SPRTN: variants seen among roughly 807,000 people sequenced by gnomAD.
The protein encoded by SPRTN is SprT-like N-terminal domain, also known as DNA-dependent metalloprotease SPRTN.
In SPRTN, 11 loss-of-function variants were observed where a neutral mutation model predicts 31.9. The observed-to-expected ratio is 0.34, with a 90% CI of 0.22 to 0.57. SPRTN has a LOEUF of 0.57. Among genes scored for constraint, SPRTN ranks in the 20% least tolerant of loss-of-function variants. SPRTN has a pLI of 0.86. For synonymous variants in SPRTN, 185 were observed against 212.1 expected, an observed-to-expected ratio of 0.87 and a Z score of 1.11; for missense variants, 482 against 590.1, an observed-to-expected ratio of 0.82 and a Z score of 1.90.
chr1:231,340,806 AAAAG>A (rs1686861213), intron 2 of SPRTN, among the ~76,000 whole-genome samples: 1 of 151,996 alleles, frequency 6.6e-6, no homozygotes, highest in Non-Finnish European at 1.5e-5. Flanking sequence ...CTCAAAAAAA[AAAAG>A]AAAGAATTAT....
At chr1:231,340,298 C>T (rs1269279857) in intron 2 of SPRTN, among the ~76,000 whole-genome samples, 2 of 152,038 alleles carry the variant, frequency 1.3e-5, no homozygotes, top group Admixed American at 6.5e-5. Flanking sequence ...ACTGAGGAGG[C>T]GGAGCTTGCA....
chr1:231,349,546 G>A (rs1687160380), intron 3 of SPRTN, among the ~76,000 whole-genome samples: 1 of 152,158 alleles, frequency 6.6e-6, no homozygotes. Context: ...AGATATCTGT[G>A]TGTTTTTATT....
At position 231,353,839 on chromosome 1, in the gene SPRTN, T is replaced by G. The variant is rs1211485456; in HGVS notation, c.*478T>G. 4.2e-6 allele frequency: 4 copies of G among 956,538 alleles called. No homozygotes were observed. Among genetic ancestry groups the G allele is most frequent in the Non-Finnish European group, 5.0e-6 (4 of 803,624 alleles). 59.3% of individuals were successfully genotyped at this position (956,538 alleles called of 1,614,324 possible). ...GACTACAAAGTATATTGTTTTAGAG[T>G]ACTCAAATTGTATTATTTATTAATT... On this transcript the variant is annotated 3_prime_UTR_variant, in exon 5 of 5. Transcript: ENST00000295050.
intron 2 of SPRTN, among the ~76,000 whole-genome samples, chr1:231,345,886 C>T (rs1404453453): frequency 2.0e-5 from 3 of 152,068 alleles, no homozygotes; most frequent in Non-Finnish European, 4.4e-5. Context: ...AATCATAGCT[C>T]ACTGCAACCT....
intron 2 of SPRTN, among the ~76,000 whole-genome samples, chr1:231,346,168 TTTTTC>T (rs1214467140): frequency 8.3e-6 from 1 of 120,560 alleles, no homozygotes; most frequent in African/African-American, 3.0e-5. Context: ...AGTTGGGCAT[TTTTTC>T]TTTTCTTTTC....
In SPRTN at chr1:231,354,952, T is replaced by C; in HGVS notation, c.*1591T>C. The C allele has an allele frequency of 3.2e-6, 3 of 936,670 alleles. No homozygotes were observed. Among genetic ancestry groups the C allele is most frequent in the Non-Finnish European group, 3.8e-6 (3 of 785,516 alleles). 58.0% of individuals were successfully genotyped at this position (936,670 alleles called of 1,614,324 possible). On this transcript the variant is annotated 3_prime_UTR_variant, in exon 5 of 5. Transcript: ENST00000295050. ...GTTAGCAGCCCTTTTCGTTTTAGACTGGTTGGCTGTTCACAAATTTTGATA... is the reference window on the plus strand; with the variant it reads ...GTTAGCAGCCCTTTTCGTTTTAGACCGGTTGGCTGTTCACAAATTTTGATA...
intron 2 of SPRTN, among the ~76,000 whole-genome samples, chr1:231,343,951 G>A (rs4394638): frequency 0.013 from 1,934 of 152,206 alleles, 52 homozygotes; most frequent in African/African-American, 0.045. Context: ...ATTTTAACCC[G>A]ATAGAACAGT....
At chr1:231,346,313 T>A (rs1248426211) in intron 2 of SPRTN, among the ~76,000 whole-genome samples, 3 of 150,198 alleles carry the variant, frequency 2.0e-5, no homozygotes, top group Non-Finnish European at 3.0e-5. Context: ...CTCAGCCTCC[T>A]GAGTATACTG....
chr1:231,348,673 T>G (rs1458530976), intron 3 of SPRTN, among the ~76,000 whole-genome samples: 1 of 152,178 alleles, frequency 6.6e-6, no homozygotes, highest in East Asian at 1.9e-4. Flanking sequence ...CCCTGAGGCG[T>G]GCCACTGCTC....
chr1:231,338,521 G>A lies in SPRTN; in HGVS notation c.138G>A (p.Gln46=). Residue 46 remains glutamine, a synonymous_variant, in exon 1 of 5, where the codon CAG becomes CAA. Coordinates refer to ENST00000295050, the MANE Select transcript of SPRTN (RefSeq NM_032018.7). The part of the protein sequence containing the change: ...WELVDPTPDL[Q]ALFVQFNDQF... Reference sequence around the variant, plus strand: ...TGGTGGACCCCACACCGGACTTGCAGGCACTGTTTGTTCAGTTTAACGACC... The same window carrying A: ...TGGTGGACCCCACACCGGACTTGCAAGCACTGTTTGTTCAGTTTAACGACC... The A allele has an allele frequency of 6.2e-7, 1 of 1,614,248 alleles. No individual in the cohort carries two copies. The highest frequency in any genetic ancestry group is 8.5e-7 in the Non-Finnish European group (1 of 1,180,044).
chr1:231,353,808 A>T lies in SPRTN; in HGVS notation c.*447A>T. On this transcript the variant is annotated 3_prime_UTR_variant, in exon 5 of 5. Transcript: ENST00000295050. ...TGTCAGACATACTGACCAAAACCAC[A>T]ATCTAGACTACAAAGTATATTGTTT... The T allele has an allele frequency of 1.0e-6, 1 of 977,388 alleles. No individual in the cohort carries two copies. The highest frequency in any genetic ancestry group is 1.2e-6 in the Non-Finnish European group (1 of 822,506). 60.5% of individuals were successfully genotyped at this position (977,388 alleles called of 1,614,324 possible). A position where few individuals can be genotyped will look rare whatever the true frequency, so the allele number is the denominator to read the frequency against.
chr1:231,346,267 C>A (rs962008581), intron 2 of SPRTN, among the ~76,000 whole-genome samples: 1 of 146,312 alleles, frequency 6.8e-6, no homozygotes, highest in Non-Finnish European at 1.5e-5. Flanking sequence ...CGGCTCACTG[C>A]AACCTCTGCC....
At chr1:231,349,066 G>A (rs1477668406) in intron 3 of SPRTN, among the ~76,000 whole-genome samples, 1 of 152,034 alleles carries the variant, frequency 6.6e-6, no homozygotes, top group African/African-American at 2.4e-5. Context: ...AACCTCCTGG[G>A]CTTAAGTGAT....
At chr1:231,340,781 A>G (rs1686859352) in intron 2 of SPRTN, among the ~76,000 whole-genome samples, 1 of 148,106 alleles carries the variant, frequency 6.8e-6, no homozygotes. Context: ...CTGGGCAACA[A>G]GAGCGAAACT....
Position 231,338,307 on chromosome 1 carries a change from G to GC in SPRTN, c.-76dup. 1 of 1,528,200 alleles carries GC rather than the reference G, an allele frequency of 6.5e-7. No individual in the cohort carries two copies. The highest frequency in any genetic ancestry group is 2.3e-5 in the East Asian group (1 of 44,404). 94.7% of individuals were successfully genotyped at this position (1,528,200 alleles called of 1,614,324 possible). On this transcript the variant is annotated 5_prime_UTR_variant, in exon 1 of 5. Coordinates refer to ENST00000295050, the MANE Select transcript of SPRTN (RefSeq NM_032018.7). ...TCCTAGGAGCTAGTCCTGGTCCTCG[G>GC]CTAGGCGGCTTGGGGTCGCGGCGTA...
At chr1:231,348,833 T>G (rs1384394815) in intron 3 of SPRTN, among the ~76,000 whole-genome samples, 2 of 152,184 alleles carry the variant, frequency 1.3e-5, no homozygotes, top group Non-Finnish European at 2.9e-5. Context: ...TTATAGTACA[T>G]CTGTATAAGG....
chr1:231,348,536 T>C (rs939271568), intron 3 of SPRTN, among the ~76,000 whole-genome samples: 1 of 152,202 alleles, frequency 6.6e-6, no homozygotes, highest in Non-Finnish European at 1.5e-5. Context: ...ACTAATTAAA[T>C]ATTAGTTTTA....
intron 3 of SPRTN, among the ~76,000 whole-genome samples, chr1:231,351,084 T>C (rs1384357640): frequency 6.6e-6 from 1 of 151,904 alleles, no homozygotes; most frequent in African/African-American, 2.4e-5. Context: ...CTTTACACAG[T>C]TTATGAAGTA....
chr1:231,347,792 TCCAG>T lies in SPRTN; in HGVS notation c.322-4_322-1del. On this transcript the variant is annotated splice_acceptor_variant and splice_polypyrimidine_tract_variant and intron_variant, in intron 2 of 4. Coordinates refer to ENST00000295050, the MANE Select transcript of SPRTN (RefSeq NM_032018.7). LOFTEE classifies it high-confidence loss of function. ...TAAAACTAATTTGAATATTTTATGT[TCCAG>T]ACCCTCCTGCATGAAATGATACATG... 1.2e-6 allele frequency: 2 copies of T among 1,604,694 alleles called. No individual in the cohort carries two copies. Among genetic ancestry groups the T allele is most frequent in the Non-Finnish European group, 1.7e-6 (2 of 1,177,704 alleles).
Sources: gnomAD v4.1 joint callset for allele counts (sites outside exome capture counted in the v4.1 genomes callset) on GRCh38, gnomAD v4.1.1 for gene constraint, MANE v1.5 for transcripts, NCBI Gene and HGNC (gene_info 2026-07-23, HGNC 2026-07-21) for gene names.